Variants in C14orf39 observed in about 807,000 individuals in gnomAD.
C14orf39 encodes protein SIX6OS1.
C14orf39 carries 66 observed loss-of-function variants against 85.6 expected under a neutral mutation model. That is an observed-to-expected ratio of 0.77 (90% CI 0.63 to 0.95). C14orf39 has a LOEUF of 0.95. Among genes scored for constraint, C14orf39 ranks in the 40% least tolerant of loss-of-function variants. C14orf39 has a pLI of 0.00. For missense variants in C14orf39, 735 were observed against 663.9 expected, an observed-to-expected ratio of 1.11 and a Z score of -1.18; for synonymous variants, 242 against 214.0, an observed-to-expected ratio of 1.13 and a Z score of -1.14.
At chr14:60,492,779 T>G (rs1356380755) in intron 2 of C14orf39, among the ~76,000 whole-genome samples, 1 of 151,880 alleles carries the variant, frequency 6.6e-6, no homozygotes, top group Non-Finnish European at 1.5e-5. Flanking sequence ...CAAGACCCTG[T>G]CTCAAAAATA....
chr14:60,498,395 A>G (rs1024221660), intron 2 of C14orf39, among the ~76,000 whole-genome samples: 3 of 152,182 alleles, frequency 2.0e-5, no homozygotes, highest in Non-Finnish European at 4.4e-5. Context: ...ACTGTTTCTC[A>G]GGCTTCAGCC....
At chr14:60,461,234 G>A (rs1891509958) in intron 13 of C14orf39, 120 bp downstream of exon 13, 1 of 717,392 alleles carries the variant, frequency 1.4e-6, no homozygotes, top group Admixed American at 2.6e-5. Flanking sequence ...TTTAAAGCCA[G>A]GCGTGCATGG....
chr14:60,443,505 A>G (rs1378937412), intron 16 of C14orf39, among the ~76,000 whole-genome samples: 1 of 152,164 alleles, frequency 6.6e-6, no homozygotes. Flanking sequence ...TGAGTAGGTA[A>G]ACAAAGCAGC....
intron 16 of C14orf39, among the ~76,000 whole-genome samples, chr14:60,452,049 TG>T (rs1226278238): frequency 3.4e-5 from 5 of 148,722 alleles, no homozygotes; most frequent in Non-Finnish European, 7.4e-5. Context: ...TAGCCAGGCA[TG>T]GTGGCACACG....
At chr14:60,481,435 T>C (rs566432951) in intron 4 of C14orf39, among the ~76,000 whole-genome samples, 2 of 152,066 alleles carry the variant, frequency 1.3e-5, no homozygotes, top group Non-Finnish European at 2.9e-5. Flanking sequence ...AGTGGGAGGA[T>C]CACTTGAGTC....
At chr14:60,439,576 C>A (rs1042540213) in intron 17 of C14orf39, among the ~76,000 whole-genome samples, 2 of 152,130 alleles carry the variant, frequency 1.3e-5, no homozygotes, top group African/African-American at 4.8e-5. Flanking sequence ...CCATCAGGGA[C>A]GTCAGAAGGA....
At chr14:60,509,588 G>A (rs775987768) in intron 1 of C14orf39, 2 of 1,613,218 alleles carry the variant, frequency 1.2e-6, no homozygotes, top group South Asian at 2.2e-5. Context: ...GGCCTTTCAC[G>A]GTGGCAACTA....
chr14:60,447,969 C>G (rs1445916952), intron 16 of C14orf39, among the ~76,000 whole-genome samples: 2 of 152,168 alleles, frequency 1.3e-5, no homozygotes, highest in African/African-American at 4.8e-5. Flanking sequence ...ATAAATGGTG[C>G]TGGGAAAACT....
intron 16 of C14orf39, among the ~76,000 whole-genome samples, chr14:60,443,849 G>T (rs1890636494): frequency 6.6e-6 from 1 of 152,204 alleles, no homozygotes; most frequent in South Asian, 2.1e-4. Context: ...AGCAATATTT[G>T]CTGTTCTGCA....
intron 15 of C14orf39, among the ~76,000 whole-genome samples, chr14:60,456,559 C>A (rs1020267963): frequency 6.6e-6 from 1 of 151,702 alleles, no homozygotes; most frequent in African/African-American, 2.4e-5. Context: ...CTAGGCTTAG[C>A]TTGACATTTT....
At chr14:60,479,672 TTAA>T (rs79193454) in intron 4 of C14orf39, among the ~76,000 whole-genome samples, 127,008 of 151,918 alleles carry the variant, frequency 0.84, 54,268 homozygotes, top group Non-Finnish European at 0.92. Flanking sequence ...CTAAATTAGC[TTAA>T]TATTATGAAT....
At chr14:60,496,154 T>C (rs970438842) in intron 2 of C14orf39, 11 of 480,920 alleles carry the variant, frequency 2.3e-5, no homozygotes, top group South Asian at 6.1e-5. Flanking sequence ...CCAAGTTCTA[T>C]AGAGTATCAC....
chr14:60,482,879 G>GGT (rs60206941), intron 4 of C14orf39, among the ~76,000 whole-genome samples: 18,894 of 146,626 alleles, frequency 0.13, 1,824 homozygotes, highest in African/African-American at 0.28. Context: ...TATATAGACA[G>GGT]GTGTGTGTGT....
intron 17 of C14orf39, among the ~76,000 whole-genome samples, chr14:60,438,357 A>C (rs1890355200): frequency 6.6e-6 from 1 of 152,254 alleles, no homozygotes; most frequent in Non-Finnish European, 1.5e-5. Flanking sequence ...CTCAGTACAC[A>C]GCCATATGAC....
In C14orf39 at chr14:60,485,097, T is replaced by C; in HGVS notation, c.-8-11A>G. On this transcript the variant is annotated splice_polypyrimidine_tract_variant and intron_variant, in intron 1 of 17. Transcript: ENST00000321731. ...CATTCATCTTGGATACTATGTTAAA[T>C]GAAAAAAAAAATTATAAGATTTTCT... The C allele has an allele frequency of 6.3e-7, 1 of 1,583,854 alleles. No individual in the cohort carries two copies. Among genetic ancestry groups the C allele is most frequent in the Non-Finnish European group, 8.5e-7 (1 of 1,171,274 alleles).
At chr14:60,488,056 A>T (rs1566685380), upstream of C14orf39, among the ~76,000 whole-genome samples, 1 of 152,188 alleles carries the variant, frequency 6.6e-6, no homozygotes, top group Non-Finnish European at 1.5e-5. Flanking sequence ...ACTTCTTTTT[A>T]GGAAAACATA....
intron 16 of C14orf39, among the ~76,000 whole-genome samples, chr14:60,446,589 G>A (rs1479619562): frequency 6.6e-6 from 1 of 152,152 alleles, no homozygotes; most frequent in Non-Finnish European, 1.5e-5. Context: ...TCCAGGACCA[G>A]ACGGAATCAC....
At chr14:60,497,462 T>C (rs923711659) in intron 2 of C14orf39, among the ~76,000 whole-genome samples, 22 of 152,162 alleles carry the variant, frequency 1.4e-4, no homozygotes, top group Non-Finnish European at 7.3e-5. Flanking sequence ...ATGACTATAA[T>C]CCCAATTCAA....
At chr14:60,514,796 A>G (rs1893339721) in intron 1 of C14orf39, among the ~76,000 whole-genome samples, 2 of 152,238 alleles carry the variant, frequency 1.3e-5, no homozygotes, top group African/African-American at 4.8e-5. Flanking sequence ...GGAGAGGAGA[A>G]GCAGCTTTTC....
Sources: allele counts gnomAD v4.1 joint callset (sites outside exome capture counted in the v4.1 genomes callset), GRCh38; gene constraint gnomAD v4.1.1; transcripts MANE v1.5; gene names NCBI Gene and HGNC (gene_info 2026-07-23, HGNC 2026-07-21).